FNBP1L: variants seen among roughly 807,000 people sequenced by gnomAD.
FNBP1L encodes the protein formin-binding protein 1-like.
Under a neutral mutation model 91.2 loss-of-function variants are expected in FNBP1L, and 36 were observed. That is an observed-to-expected ratio of 0.39 (90% CI 0.30 to 0.52). FNBP1L has a LOEUF of 0.52. Among genes scored for constraint, FNBP1L ranks in the 20% least tolerant of loss-of-function variants. The pLI is 0.66. For missense variants in FNBP1L, 571 were observed against 732.1 expected, an observed-to-expected ratio of 0.78 and a Z score of 2.54; for synonymous variants, 242 against 237.0, an observed-to-expected ratio of 1.02 and a Z score of -0.19.
intron 7 of FNBP1L, 50 bp from the exon 8 acceptor site, chr1:93,532,872 A>G: frequency 6.9e-7 from 1 of 1,450,706 alleles, no homozygotes; most frequent in Non-Finnish European, 9.4e-7. Context: ...CTCCTTTAGA[A>G]TGATTGAAAA....
rs777402212 is a variant in FNBP1L, at chr1:93,546,951, C to A, written c.1384C>A (p.Arg462=). The change falls in exon 13 of 17, where the codon CGA becomes AGA. Residue 462 remains arginine, a synonymous_variant. Coordinates refer to ENST00000271234, the MANE Select transcript of FNBP1L (RefSeq NM_001164473.3). ...GACCATGAATAACATTGACCGCCTA[C>A]GAATGGAAATCCATAAGAATGAGGT... The part of the protein sequence containing the change: ...AETMNNIDRL[R]MEIHKNEAWL... 6.8e-6 allele frequency: 11 copies of A among 1,611,816 alleles called. No homozygotes were observed. In the East Asian group the frequency reaches 2.5e-4, roughly 36 times the overall value.
At chr1:93,533,132 G>A in intron 8 of FNBP1L, 64 bp downstream of exon 8, 1 of 1,450,368 alleles carries the variant, frequency 6.9e-7, no homozygotes, top group South Asian at 1.4e-5. Flanking sequence ...TTAAGTTAGT[G>A]AAATGAGTTG....
At chr1:93,533,674 T>C (rs1244388338) in intron 8 of FNBP1L, among the ~76,000 whole-genome samples, 1 of 152,230 alleles carries the variant, frequency 6.6e-6, no homozygotes, top group African/African-American at 2.4e-5. Flanking sequence ...ATATCAGATA[T>C]GTGTCACATA....
chr1:93,502,773 A>G (rs921341369), intron 2 of FNBP1L, among the ~76,000 whole-genome samples: 4 of 152,226 alleles, frequency 2.6e-5, no homozygotes, highest in African/African-American at 9.6e-5. Flanking sequence ...GATGATTCTC[A>G]ATAGCAGCGA....
chr1:93,545,465 T>G (rs1672191644), intron 12 of FNBP1L, among the ~76,000 whole-genome samples: 1 of 152,094 alleles, frequency 6.6e-6, no homozygotes, highest in Non-Finnish European at 1.5e-5. Context: ...CTGGAATTAG[T>G]GCTAATCCAG....
chr1:93,453,491 C>T (rs1404067913), intron 1 of FNBP1L, among the ~76,000 whole-genome samples: 2 of 152,086 alleles, frequency 1.3e-5, no homozygotes, highest in Non-Finnish European at 2.9e-5. Flanking sequence ...TTTAAAAAAA[C>T]CTATTCTACC....
At chr1:93,460,510 A>G (rs772885716) in intron 1 of FNBP1L, among the ~76,000 whole-genome samples, 14 of 152,246 alleles carry the variant, frequency 9.2e-5, no homozygotes, top group African/African-American at 2.9e-4. Context: ...TAAAGAAAAT[A>G]TCTGTTTTCA....
intron 1 of FNBP1L, among the ~76,000 whole-genome samples, chr1:93,484,139 G>A (rs985433831): frequency 1.3e-5 from 2 of 152,154 alleles, no homozygotes; most frequent in Non-Finnish European, 2.9e-5. Context: ...ATGTTGGGCA[G>A]GCTGGTCTCA....
chr1:93,513,246 A>G (rs1670931016), intron 2 of FNBP1L, among the ~76,000 whole-genome samples: 1 of 151,684 alleles, frequency 6.6e-6, no homozygotes, highest in South Asian at 2.1e-4. Context: ...GAATAGACCA[A>G]TAACAGGATC....
At chr1:93,532,775 G>A in intron 7 of FNBP1L, 147 bp from the exon 8 acceptor site, 1 of 479,520 alleles carries the variant, frequency 2.1e-6, no homozygotes. Flanking sequence ...AGTATTATAA[G>A]TCAATAGCAC....
rs541236941 is a variant in FNBP1L, at chr1:93,553,173, T to C, written c.*757T>C. ...TGAAACGTGATACATCTTCAGCACC[T>C]CAGTCTGGGAAGAATCTAGTCAGCA... On this transcript the variant is annotated 3_prime_UTR_variant, in exon 17 of 17. Transcript: ENST00000271234. The C allele has an allele frequency of 6.5e-6, 1 of 152,744 alleles. No individual in the cohort carries two copies. The highest frequency in any genetic ancestry group is 2.4e-5 in the African/African-American group (1 of 41,552). 9.5% of individuals were successfully genotyped at this position (152,744 alleles called of 1,614,324 possible). A position where few individuals can be genotyped will look rare whatever the true frequency, so the allele number is the denominator to read the frequency against.
rs1209672714 is a variant in FNBP1L, at chr1:93,547,420, T to C, written c.1481T>C (p.Leu494Pro). The change falls in exon 14 of 17, where the codon CTT (leucine) becomes CCT (proline). Residue 494 changes from leucine to proline, a missense_variant. Around this residue, in one of 5 missense-constraint regions of FNBP1L, gnomAD observed 189 missense variants for 219.7 expected, o/e 0.86. Transcript: ENST00000271234. ...DRRHSSDINHLVTQGRESPEG... is the reference protein window; with the variant it reads ...DRRHSSDINHPVTQGRESPEG... ...AGACATAGCAGTGACATAAATCATC[T>C]TGTAACACAGGGACGAGAAAGGTGA... is the stretch of plus-strand genomic sequence containing the variant. 6.4e-7 allele frequency: 1 copy of C among 1,557,382 alleles called. No homozygotes were observed. Among genetic ancestry groups the C allele is most frequent in the Admixed American group, 1.9e-5 (1 of 51,820 alleles).
At chr1:93,489,567 A>G (rs1409891348) in intron 1 of FNBP1L, among the ~76,000 whole-genome samples, 2 of 152,122 alleles carry the variant, frequency 1.3e-5, no homozygotes, top group Admixed American at 1.3e-4. Context: ...TTAAAAAAAA[A>G]ATTGCAGTAG....
intron 1 of FNBP1L, among the ~76,000 whole-genome samples, chr1:93,451,927 G>A (rs1668510319): frequency 6.6e-6 from 1 of 152,164 alleles, no homozygotes; most frequent in Non-Finnish European, 1.5e-5. Context: ...TGGGTTTACA[G>A]GCGTGAGCCA....
At position 93,531,406 on chromosome 1, in the gene FNBP1L, C is replaced by G. The variant is rs149941292; in HGVS notation, c.639+523C>G. ...GATGATAACAGTTGCCAAACAGCCT[C>G]AGGTAAAAAAGACCTCAGAATTTTC... On this transcript the variant is annotated intron_variant, in intron 7 of 16. Transcript: ENST00000271234. 5.9e-5 allele frequency among the ~76,000 whole-genome samples: 9 copies of G among 152,114 alleles called. No individual in the cohort carries two copies. The South Asian group carries it at 8.3e-4, about 14-fold the overall frequency.
At chr1:93,529,604 T>C in intron 5 of FNBP1L, 48 bp from the exon 6 acceptor site, 1 of 1,139,406 alleles carries the variant, frequency 8.8e-7, no homozygotes, top group Non-Finnish European at 1.2e-6. Context: ...TTAAATGAAG[T>C]TAGCCTGATT....
chr1:93,530,953 T>C (rs1463227834), intron 7 of FNBP1L, 70 bp downstream of exon 7: 3 of 1,252,508 alleles, frequency 2.4e-6, no homozygotes, highest in East Asian at 5.4e-5. Context: ...TTGTAAGTCT[T>C]AGACATCAGA....
intron 2 of FNBP1L, among the ~76,000 whole-genome samples, chr1:93,504,748 G>A (rs1670550655): frequency 6.6e-6 from 1 of 152,088 alleles, no homozygotes; most frequent in African/African-American, 2.4e-5. Context: ...TTGGAGAAAT[G>A]TCTATTCAAG....
At chr1:93,518,381 T>C (rs1671204123) in intron 2 of FNBP1L, among the ~76,000 whole-genome samples, 1 of 152,174 alleles carries the variant, frequency 6.6e-6, no homozygotes, top group Non-Finnish European at 1.5e-5. Context: ...ACAAAACAAT[T>C]TTATAAAGTA....
Sources: gnomAD v4.1 joint callset for allele counts (sites outside exome capture counted in the v4.1 genomes callset) on GRCh38, gnomAD v4.1.1 for gene constraint, gnomAD v4.1.1 regional missense constraint, MANE v1.5 for transcripts, NCBI Gene and HGNC (gene_info 2026-07-23, HGNC 2026-07-21) for gene names.